Variants in TAF1 observed in about 807,000 individuals in gnomAD.
TAF1 encodes the protein transcription initiation factor TFIID subunit 1.
A neutral mutation model predicts 138.5 loss-of-function variants in TAF1; 2 were observed. The observed-to-expected ratio is 0.01, with a 90% CI of 0.01 to 0.05. TAF1 has a LOEUF of 0.05. Ranked by LOEUF, TAF1 falls within the 10% of genes least tolerant of loss-of-function variation. TAF1 has a pLI of 1.00. For missense variants in TAF1, 709 were observed against 1,478.0 expected (o/e 0.48, Z 8.53); for synonymous variants, 437 against 503.2 (o/e 0.87, Z 1.76).
rs1389052825 is a variant in TAF1 at position 71,471,734 on chromosome X, G to C, written c.1366+10931G>C. On this transcript the variant is annotated intron_variant and NMD_transcript_variant, in intron 13 of 14. Transcript: ENST00000373775. ...ACAGGGTGGGAAGCGGGCCTGAGCA[G>C]CCGCTCAAGGGCCCCAACACAGAAT... Among the ~76,000 whole-genome samples the C allele has an allele frequency of 2.7e-5, 3 of 111,585 alleles. No individual in the cohort carries two copies. The Admixed American group carries it at 2.9e-4, about 11-fold the overall frequency.
chrX:71,369,605 CTT>C (rs762612709), intron 3 of TAF1, among the ~76,000 whole-genome samples: 7 of 92,160 alleles, frequency 7.6e-5, no homozygotes, highest in Non-Finnish European at 8.8e-5. Context: ...CAGTGTGTTT[CTT>C]TTTTTTTTTT....
intron 18 of TAF1, among the ~76,000 whole-genome samples, chrX:71,391,641 T>C (rs1239307192): frequency 1.9e-5 from 2 of 105,616 alleles, no homozygotes; most frequent in Non-Finnish European, 3.9e-5. Flanking sequence ...TTTTTTTTTT[T>C]TTTTTGAGAC....
chrX:71,430,558 A>G (rs1475683659), intron 32 of TAF1, among the ~76,000 whole-genome samples: 2 of 111,490 alleles, frequency 1.8e-5, no homozygotes, highest in Non-Finnish European at 3.8e-5. Flanking sequence ...GAGGGTCACA[A>G]ATTTGGATTC....
intron 28 of TAF1, among the ~76,000 whole-genome samples, chrX:71,411,838 A>C (rs896080908): frequency 1.8e-5 from 2 of 110,573 alleles, no homozygotes; most frequent in African/African-American, 6.6e-5. Context: ...GCTCACCGCA[A>C]CCTCCACCTC....
Position 71,444,780 on chromosome X carries a change from C to T in TAF1, c.4754-9390C>T, listed in dbSNP as rs550363762. ...TTCTTTTTTTGAGACAAGGAGTCTCCGCTCTGTCGCCCAGGCTGGAACAGC... is the reference window on the plus strand; with the variant it reads ...TTCTTTTTTTGAGACAAGGAGTCTCTGCTCTGTCGCCCAGGCTGGAACAGC... On this transcript the variant is annotated intron_variant, in intron 32 of 37. Coordinates refer to ENST00000423759, the MANE Select transcript of TAF1 (RefSeq NM_004606.5). 4.7e-4 allele frequency among the ~76,000 whole-genome samples: 52 copies of T among 109,781 alleles called. 1 individual carries two copies. Among genetic ancestry groups the T allele is most frequent in the African/African-American group, 7.0e-4 (21 of 30,194 alleles).
chrX:71,449,472 G>GTTT (rs1206229969), intron 32 of TAF1, among the ~76,000 whole-genome samples: 2 of 112,590 alleles, frequency 1.8e-5, no homozygotes, highest in African/African-American at 6.4e-5. Flanking sequence ...AATGGGTAAG[G>GTTT]AAGAGGTCCC....
rs77786485 is a variant in TAF1 at position 71,386,892 on chromosome X, T to C, written c.2227-369T>C. Among the ~76,000 whole-genome samples the C allele has an allele frequency of 7.7e-4, 87 of 113,146 alleles. No homozygotes were observed. The East Asian group carries it at 0.023, about 31-fold the overall frequency. On this transcript the variant is annotated intron_variant, in intron 14 of 37. Transcript: ENST00000423759. ...GGTACATTATGAAGTGATTTTCATATGTAATCTTCATAGCAGTCCTGTGAG... is the reference window on the plus strand; with the variant it reads ...GGTACATTATGAAGTGATTTTCATACGTAATCTTCATAGCAGTCCTGTGAG...
chrX:71,431,643 A>C (rs922331835), intron 32 of TAF1, among the ~76,000 whole-genome samples: 17 of 110,734 alleles, frequency 1.5e-4, no homozygotes, highest in Non-Finnish European at 2.8e-4. Flanking sequence ...GAGGCCTGGG[A>C]TGGTGGCTCA....
intron 32 of TAF1, among the ~76,000 whole-genome samples, chrX:71,438,265 A>G (rs2037244436): frequency 9.0e-6 from 1 of 111,469 alleles, no homozygotes; most frequent in Admixed American, 9.6e-5. Flanking sequence ...TACCCCTTAC[A>G]TGGTAACTCC....
rs1556033075 is a variant in TAF1, at chrX:71,508,086, CTA to C, written c.1367-20430_1367-20429del. Among the ~76,000 whole-genome samples the C allele has an allele frequency of 8.6e-3, 789 of 91,983 alleles. 3 individuals are homozygous for C. Among genetic ancestry groups the C allele is most frequent in the African/African-American group, 0.013 (306 of 23,309 alleles). 79.9% of individuals were successfully genotyped at this position (91,983 alleles called of 115,157 possible). A position where few individuals can be genotyped will look rare whatever the true frequency, so the allele number is the denominator to read the frequency against. On this transcript the variant is annotated intron_variant and NMD_transcript_variant, in intron 13 of 14. Transcript: ENST00000373775. Reference sequence around the variant, plus strand: ...GAATATTCTCTCTCTCTCTCTCTCTCTATATATATATATATATATATATATAT... The same window carrying C: ...GAATATTCTCTCTCTCTCTCTCTCTCTATATATATATATATATATATATAT...
rs1361594327 is a variant in TAF1, at chrX:71,522,957, A to T, written c.1367-5585A>T. Reference sequence around the variant, plus strand: ...AGCACTTTGGGAGGCCGAGGCAAGGAGATCACCTGAGCTCAGGAGTTCAAG... The same window carrying T: ...AGCACTTTGGGAGGCCGAGGCAAGGTGATCACCTGAGCTCAGGAGTTCAAG... On this transcript the variant is annotated intron_variant and NMD_transcript_variant, in intron 13 of 14. Transcript: ENST00000373775. Among the ~76,000 whole-genome samples, 9 of 109,192 alleles carry T rather than the reference A, an allele frequency of 8.2e-5. No individual in the cohort carries two copies. In the East Asian group the frequency reaches 1.4e-3, roughly 17 times the overall value. The allele number at this position is 109,192 out of a possible 115,157, so 94.8% of individuals were successfully genotyped here. A position where few individuals can be genotyped will look rare whatever the true frequency, so the allele number is the denominator to read the frequency against.
intron 28 of TAF1, among the ~76,000 whole-genome samples, chrX:71,419,559 A>G (rs1452408936): frequency 2.0e-4 from 22 of 110,340 alleles, no homozygotes; most frequent in Non-Finnish European, 2.1e-4. Flanking sequence ...GAAACAAAAT[A>G]GATCACCAGG....
At chrX:71,452,354 G>A (rs1452334111) in intron 32 of TAF1, among the ~76,000 whole-genome samples, 21 of 110,038 alleles carry the variant, frequency 1.9e-4, no homozygotes, top group Non-Finnish European at 2.9e-4. Context: ...CGGGGCAGCC[G>A]GGCAGAGACG....
intron 34 of TAF1, among the ~76,000 whole-genome samples, chrX:71,456,948 G>A (rs1209803535): frequency 2.7e-5 from 3 of 110,883 alleles, no homozygotes; most frequent in Non-Finnish European, 5.7e-5. Flanking sequence ...GATTACAGGC[G>A]TGAGCCACCG....
rs1489293538 is a variant in TAF1 at position 71,379,152 on chromosome X, G to C, written c.1360+121G>C. 6.9e-6 allele frequency: 5 copies of C among 719,897 alleles called. No individual in the cohort carries two copies. The African/African-American group carries it at 1.5e-4, about 21-fold the overall frequency. The allele number at this position is 719,897 out of a possible 1,213,427, so 59.3% of individuals were successfully genotyped here. A position where few individuals can be genotyped will look rare whatever the true frequency, so the allele number is the denominator to read the frequency against. ...TTCGGTGAGACAGAGTTTCGCTCTT[G>C]TTGCCCAGGATGGAGTGCAATGGTG... On this transcript the variant is annotated intron_variant, in intron 8 of 37. Coordinates refer to ENST00000423759, the MANE Select transcript of TAF1 (RefSeq NM_004606.5).
chrX:71,386,360 C>T (rs1360200177), intron 14 of TAF1, among the ~76,000 whole-genome samples: 1 of 111,595 alleles, frequency 9.0e-6, no homozygotes, highest in Non-Finnish European at 1.9e-5. Context: ...CTTAAACTGG[C>T]TCAAATGTTT....
At chrX:71,408,250 T>C in intron 28 of TAF1, 99 bp downstream of exon 28, 1 of 953,312 alleles carries the variant, frequency 1.0e-6, no homozygotes, top group Non-Finnish European at 1.4e-6. Context: ...AGGACTACAG[T>C]GTATTTGTGC....
At chrX:71,386,094 G>A (rs1046620262) in intron 14 of TAF1, among the ~76,000 whole-genome samples, 1 of 109,121 alleles carries the variant, frequency 9.2e-6, no homozygotes. Context: ...CCGGGAGGTG[G>A]AGGTTGCAGT....
Position 71,398,393 on chromosome X carries a change from G to A in TAF1, c.3621-179G>A, listed in dbSNP as rs920983296. On this transcript the variant is annotated intron_variant, in intron 23 of 37. Coordinates refer to ENST00000423759, the MANE Select transcript of TAF1 (RefSeq NM_004606.5). ...ATTACTCAGGACTTATTCTAAGAGA[G>A]TTACCTCTGCAAATGGAGGGCTGAC... Among the ~76,000 whole-genome samples, 4 of 109,878 alleles carry A rather than the reference G, an allele frequency of 3.6e-5. No homozygotes were observed. The Admixed American group carries it at 3.9e-4, about 11-fold the overall frequency.
Sources: gnomAD v4.1 joint callset for allele counts (sites outside exome capture counted in the v4.1 genomes callset) on GRCh38, gnomAD v4.1.1 for gene constraint, MANE v1.5 for transcripts, NCBI Gene and HGNC (gene_info 2026-07-23, HGNC 2026-07-21) for gene names.